Variants in LRP5 observed in about 807,000 individuals in gnomAD.
LRP5 encodes LDL receptor related protein 5, also known as low-density lipoprotein receptor-related protein 5.
A neutral mutation model predicts 154.1 loss-of-function variants in LRP5; 62 were observed. The observed-to-expected ratio is 0.40, with a 90% confidence interval of 0.33 to 0.50. LRP5 has a LOEUF of 0.50. LRP5 is among the 20% of genes least tolerant of loss of function. The pLI, the probability that LRP5 is intolerant of heterozygous loss-of-function variation, is 0.55. For synonymous variants in LRP5, 966 were observed against 1,011.5 expected (o/e 0.96, Z 0.85); for missense variants, 1,915 against 2,336.7 (o/e 0.82, Z 3.72).
intron 16 of LRP5, among the ~76,000 whole-genome samples, chr11:68,427,728 A>C (rs1387948210): frequency 6.6e-6 from 1 of 151,444 alleles, no homozygotes; most frequent in Non-Finnish European, 1.5e-5. Context: ...ACCCTATCCC[A>C]AAAAAACCGA....
chr11:68,313,621 T>G (rs2098590570), intron 1 of LRP5, among the ~76,000 whole-genome samples: 1 of 152,220 alleles, frequency 6.6e-6, no homozygotes, highest in Non-Finnish European at 1.5e-5. Context: ...GCTACACATG[T>G]TCTTTTAATT....
At chr11:68,395,800 G>C (rs1024653881) in intron 7 of LRP5, among the ~76,000 whole-genome samples, 1 of 152,170 alleles carries the variant, frequency 6.6e-6, no homozygotes, top group African/African-American at 2.4e-5. Flanking sequence ...TGCCCGTGGA[G>C]ATGCTGGCTC....
At chr11:68,360,717 G>A (rs1483401565) in intron 3 of LRP5, among the ~76,000 whole-genome samples, 1 of 152,242 alleles carries the variant, frequency 6.6e-6, no homozygotes, top group Non-Finnish European at 1.5e-5. Flanking sequence ...GGCCACATGG[G>A]CTGGGCGCCA....
Position 68,433,631 on chromosome 11 carries a change from G to C in LRP5, c.3793G>C (p.Ala1265Pro), listed in dbSNP as rs201530801. The C allele has an allele frequency of 2.3e-4, 365 of 1,613,442 alleles. No individual in the cohort carries two copies. The highest frequency in any genetic ancestry group is 3.0e-4 in the Non-Finnish European group (353 of 1,180,014). ...EPPTCSPDQF[A>P]CATGEIDCIP... ...GCCCACCTGCTCCCCGGACCAGTTT[G>C]CATGTGCCACAGGGGAGATCGACTG... Residue 1265 changes from alanine to proline, a missense_variant, in exon 18 of 23, where the codon GCA becomes CCA. Physicochemically the swap from Ala to Pro is conservative, Grantham distance 27 (BLOSUM62 -1). Transcript: ENST00000294304.
chr11:68,410,202 C>A, intron 10 of LRP5, 62 bp downstream of exon 10: 1 of 1,378,544 alleles, frequency 7.3e-7, no homozygotes, highest in Non-Finnish European at 1.0e-6. Flanking sequence ...TGCGGGGGTG[C>A]CAACTGGGCA....
intron 7 of LRP5, among the ~76,000 whole-genome samples, chr11:68,395,261 A>C (rs1024929898): frequency 1.3e-5 from 2 of 148,918 alleles, no homozygotes; most frequent in African/African-American, 2.5e-5. Context: ...AGATCCCGCC[A>C]CTGCACTCCA....
chr11:68,339,110 A>G (rs1220146444), intron 1 of LRP5, among the ~76,000 whole-genome samples: 1 of 151,020 alleles, frequency 6.6e-6, no homozygotes, highest in Non-Finnish European at 1.5e-5. Context: ...CTGACCTCAG[A>G]TGATCTGCCT....
At chr11:68,435,597 G>A (rs542113027) in intron 18 of LRP5, among the ~76,000 whole-genome samples, 29 of 152,142 alleles carry the variant, frequency 1.9e-4, no homozygotes, top group South Asian at 8.3e-4. Context: ...TTGCTACTGC[G>A]GAGAGGGCAC....
chr11:68,448,665 C>A, intron 22 of LRP5, 144 bp from the exon 23 acceptor site: 1 of 994,470 alleles, frequency 1.0e-6, no homozygotes. Flanking sequence ...CCTGGCGACA[C>A]AGCGGGGTGG....
intron 3 of LRP5, among the ~76,000 whole-genome samples, chr11:68,359,889 C>T (rs534673185): frequency 2.0e-5 from 3 of 151,728 alleles, no homozygotes; most frequent in Non-Finnish European, 4.4e-5. Flanking sequence ...CAGGTTCTAG[C>T]GATTCTCCTG....
intron 1 of LRP5, among the ~76,000 whole-genome samples, chr11:68,323,777 C>T (rs2098598092): frequency 6.6e-6 from 1 of 152,170 alleles, no homozygotes; most frequent in African/African-American, 2.4e-5. Flanking sequence ...ATTTTTAATG[C>T]GTTCTCAAGA....
intron 13 of LRP5, 116 bp downstream of exon 13, chr11:68,416,643 G>A (rs1387223735): frequency 5.2e-6 from 5 of 969,636 alleles, no homozygotes; most frequent in African/African-American, 4.8e-5. Flanking sequence ...GGCTCTGGGT[G>A]AATGATGACT....
intron 21 of LRP5, among the ~76,000 whole-genome samples, chr11:68,442,653 T>C (rs1371339325): frequency 6.6e-6 from 1 of 152,206 alleles, no homozygotes; most frequent in Non-Finnish European, 1.5e-5. Flanking sequence ...CTGCTAACGA[T>C]GTATAAAAGC....
At chr11:68,323,848 C>G (rs1196983354) in intron 1 of LRP5, among the ~76,000 whole-genome samples, 1 of 152,240 alleles carries the variant, frequency 6.6e-6, no homozygotes, top group Non-Finnish European at 1.5e-5. Flanking sequence ...CATGCACTTG[C>G]CACCTGGTCG....
At chr11:68,440,001 G>C in intron 21 of LRP5, 85 bp downstream of exon 21, 1 of 1,280,330 alleles carries the variant, frequency 7.8e-7, no homozygotes, top group Non-Finnish European at 1.0e-6. Context: ...GAGGCTTCCC[G>C]GGTTCCTGGG....
chr11:68,303,715 G>A, the LRP5 span, among the ~76,000 whole-genome samples: 3 of 152,218 alleles, frequency 2.0e-5, no homozygotes, highest in East Asian at 1.9e-4. Context: ...GGATGGTCTC[G>A]ATCTCCTGAT....
chr11:68,304,506 G>A, the LRP5 span, among the ~76,000 whole-genome samples: 1 of 152,256 alleles, frequency 6.6e-6, no homozygotes, highest in African/African-American at 2.4e-5. Flanking sequence ...TCCCCACTGG[G>A]ACAATGCCTA....
At chr11:68,341,066 T>C (rs2098608826) in intron 1 of LRP5, among the ~76,000 whole-genome samples, 1 of 146,030 alleles carries the variant, frequency 6.8e-6, no homozygotes, top group African/African-American at 2.6e-5. Flanking sequence ...GTTCTTTTTT[T>C]TTTTTTTTTT....
At chr11:68,416,640 G>A in intron 13 of LRP5, 113 bp downstream of exon 13, 2 of 985,874 alleles carry the variant, frequency 2.0e-6, no homozygotes, top group Non-Finnish European at 3.1e-6. Context: ...GATGGCTCTG[G>A]GTGAATGATG....
Sources: allele counts gnomAD v4.1 joint callset (sites outside exome capture counted in the v4.1 genomes callset), GRCh38; gene constraint gnomAD v4.1.1; transcripts MANE v1.5; gene names NCBI Gene and HGNC (gene_info 2026-07-23, HGNC 2026-07-21).